SNX16: variants seen among roughly 807,000 people sequenced by gnomAD.
SNX16 encodes the protein sorting nexin-16.
SNX16 carries 35 observed loss-of-function variants against 36.7 expected under a neutral mutation model. That is an observed-to-expected ratio of 0.95 (90% CI 0.73 to 1.27). The LOEUF (loss-of-function observed/expected upper bound fraction) is 1.27. Among genes scored for constraint, SNX16 ranks in the 50% most tolerant of loss-of-function variants. The pLI is 0.00. For synonymous variants in SNX16, 134 were observed against 132.0 expected (o/e 1.02, Z -0.10); for missense variants, 367 against 393.6 (o/e 0.93, Z 0.57).
chr8:81,819,319 C>A, intron 4 of SNX16, among the ~76,000 whole-genome samples: 1 of 152,086 alleles, frequency 6.6e-6, no homozygotes, highest in East Asian at 1.9e-4. Flanking sequence ...TATATTTTAA[C>A]TAAGACTGTG....
At chr8:81,841,046 A>T (rs914017586) in intron 1 of SNX16, among the ~76,000 whole-genome samples, 13 of 152,200 alleles carry the variant, frequency 8.5e-5, no homozygotes, top group Non-Finnish European at 1.5e-4. Flanking sequence ...CTGAAATAAG[A>T]TTTTTAACTC....
At chr8:81,807,961 A>T in intron 5 of SNX16, 1 of 787,202 alleles carries the variant, frequency 1.3e-6, no homozygotes, top group South Asian at 1.3e-5. Flanking sequence ...CACATATGCC[A>T]CTGTGGGGGA....
chr8:81,834,844 A>G (rs1811422917), intron 2 of SNX16, among the ~76,000 whole-genome samples: 1 of 152,168 alleles, frequency 6.6e-6, no homozygotes, highest in Non-Finnish European at 1.5e-5. Context: ...TTCCAGGTGC[A>G]TGGTGCAAGC....
At chr8:81,813,425 TA>T in intron 5 of SNX16, among the ~76,000 whole-genome samples, 1 of 151,612 alleles carries the variant, frequency 6.6e-6, no homozygotes, top group South Asian at 2.1e-4. Flanking sequence ...CCTAATACCT[TA>T]AAAAAAATTA....
At chr8:81,814,830 T>C (rs1181178916) in intron 5 of SNX16, 1 of 152,122 alleles carries the variant, frequency 6.6e-6, no homozygotes, top group African/African-American at 2.4e-5. Context: ...ACCAAATCTG[T>C]TTTGTGAATC....
intron 2 of SNX16, among the ~76,000 whole-genome samples, chr8:81,834,656 C>A (rs1283582518): frequency 1.3e-5 from 2 of 152,212 alleles, no homozygotes; most frequent in Non-Finnish European, 2.9e-5. Flanking sequence ...AGTCTGAAAT[C>A]CAGCAGGGTA....
chr8:81,832,385 T>C (rs1409970226), intron 2 of SNX16, among the ~76,000 whole-genome samples: 1 of 151,994 alleles, frequency 6.6e-6, no homozygotes, highest in East Asian at 1.9e-4. Context: ...GACATAAAGA[T>C]AGCAACAATA....
At chr8:81,808,423 G>A (rs546033879) in intron 5 of SNX16, 79 of 1,192,704 alleles carry the variant, frequency 6.6e-5, no homozygotes, top group Middle Eastern at 2.8e-4. Context: ...AACTTTGGTT[G>A]TGGAGGAAAC....
intron 5 of SNX16, among the ~76,000 whole-genome samples, chr8:81,804,856 T>C (rs1045886407): frequency 6.6e-6 from 1 of 152,046 alleles, no homozygotes; most frequent in African/African-American, 2.4e-5. Flanking sequence ...CTCTACCTAA[T>C]AATAAAAGTA....
Position 81,802,379 on chromosome 8 carries a change from C to A in SNX16, c.938+1G>T, listed in dbSNP as rs756517615. ...GCTATCATAAATGAAATATTATATA[C>A]CTAGATTCTTCATCCAGGACATCTT... On this transcript the variant is annotated splice_donor_variant, in intron 7 of 7. Coordinates refer to ENST00000345957, the MANE Select transcript of SNX16 (RefSeq NM_152836.3). LOFTEE classifies it high-confidence loss of function. The A allele has an allele frequency of 6.3e-6, 10 of 1,599,810 alleles. No individual in the cohort carries two copies. In the African/African-American group the frequency reaches 1.2e-4, roughly 19 times the overall value.
intron 5 of SNX16, chr8:81,808,857 A>C: frequency 1.5e-6 from 1 of 678,862 alleles, no homozygotes; most frequent in Non-Finnish European, 2.7e-6. Context: ...CAAAGAAGAC[A>C]TGTTTTAGAC....
At chr8:81,820,165 G>C (rs1217068025) in intron 4 of SNX16, among the ~76,000 whole-genome samples, 1 of 152,034 alleles carries the variant, frequency 6.6e-6, no homozygotes, top group Non-Finnish European at 1.5e-5. Flanking sequence ...ATTCTTACAA[G>C]CAGTTTTATG....
intron 4 of SNX16, among the ~76,000 whole-genome samples, chr8:81,818,565 T>C (rs992260282): frequency 6.6e-6 from 1 of 152,152 alleles, no homozygotes; most frequent in South Asian, 2.1e-4. Context: ...TTCAAATAGT[T>C]AAGATGAAGA....
chr8:81,840,773 A>C (rs934100802), intron 1 of SNX16, among the ~76,000 whole-genome samples: 2 of 152,346 alleles, frequency 1.3e-5, no homozygotes, highest in South Asian at 4.1e-4. Context: ...CTCTACGATA[A>C]ACTGAGGGTA....
chr8:81,810,719 G>A (rs762584311), intron 5 of SNX16, among the ~76,000 whole-genome samples: 1 of 152,080 alleles, frequency 6.6e-6, no homozygotes. Context: ...GAAGACACTT[G>A]GTAATGTCTG....
At chr8:81,837,821 A>T (rs1811558421) in intron 2 of SNX16, among the ~76,000 whole-genome samples, 1 of 152,150 alleles carries the variant, frequency 6.6e-6, no homozygotes, top group South Asian at 2.1e-4. Flanking sequence ...ATTTTCTAAA[A>T]ATTTTCTAAA....
intron 2 of SNX16, among the ~76,000 whole-genome samples, chr8:81,837,369 G>A (rs1182731775): frequency 6.6e-6 from 1 of 152,032 alleles, no homozygotes; most frequent in Non-Finnish European, 1.5e-5. Flanking sequence ...CCTTGTATTT[G>A]GCCAAATACT....
chr8:81,841,279 T>G (rs1386943219), intron 1 of SNX16, among the ~76,000 whole-genome samples: 1 of 148,592 alleles, frequency 6.7e-6, no homozygotes, highest in Non-Finnish European at 1.5e-5. Flanking sequence ...AGGCGGAGGT[T>G]GCAGTTTGCC....
intron 2 of SNX16, among the ~76,000 whole-genome samples, chr8:81,838,321 C>T (rs897442185): frequency 3.9e-5 from 6 of 152,048 alleles, no homozygotes; most frequent in South Asian, 2.1e-4. Flanking sequence ...AACAAAATCT[C>T]AATGCAAAGG....
Sources: gnomAD v4.1 joint callset for allele counts (sites outside exome capture counted in the v4.1 genomes callset) on GRCh38, gnomAD v4.1.1 for gene constraint, MANE v1.5 for transcripts, NCBI Gene and HGNC (gene_info 2026-07-23, HGNC 2026-07-21) for gene names.